The following PAFAH2 variants were observed in gnomAD, a reference collection of about 807,000 sequenced individuals.
The protein encoded by PAFAH2 is platelet-activating factor acetylhydrolase 2, cytoplasmic.
A neutral mutation model predicts 49.0 loss-of-function variants in PAFAH2; 42 were observed. That is an observed-to-expected ratio of 0.86 (90% CI 0.67 to 1.11). The LOEUF (loss-of-function observed/expected upper bound fraction) is 1.11. Among genes scored for constraint, PAFAH2 ranks in the 50% least tolerant of loss-of-function variants. PAFAH2 has a pLI of 0.00. For missense variants in PAFAH2, 503 were observed against 501.8 expected (o/e 1.00, Z -0.02); for synonymous variants, 184 against 181.3 (o/e 1.01, Z -0.12).
intron 1 of PAFAH2, among the ~76,000 whole-genome samples, chr1:25,995,931 T>C (rs2049930522): frequency 6.6e-6 from 1 of 152,218 alleles, no homozygotes; most frequent in Non-Finnish European, 1.5e-5. Context: ...GATCTAAAAA[T>C]AAGGCTATAT....
chr1:25,988,212 G>T lies in PAFAH2; in HGVS notation c.341+19C>A. 1 of 1,528,784 alleles carries T rather than the reference G, an allele frequency of 6.5e-7. No individual in the cohort carries two copies. The highest frequency in any genetic ancestry group is 9.0e-7 in the Non-Finnish European group (1 of 1,116,322). 94.7% of individuals were successfully genotyped at this position (1,528,784 alleles called of 1,614,324 possible). The stretch of plus-strand genomic sequence containing the variant: ...CCAGGCAAGGAGTATGGCAAGGTCT[G>T]GGGGAAAGAAGCTCTTACCTGAAGG... On this transcript the variant is annotated intron_variant, in intron 4 of 10. Coordinates refer to ENST00000374282, the MANE Select transcript of PAFAH2 (RefSeq NM_000437.4).
intron 1 of PAFAH2, among the ~76,000 whole-genome samples, chr1:25,994,818 G>A (rs1393464635): frequency 6.6e-6 from 1 of 152,114 alleles, no homozygotes; most frequent in Non-Finnish European, 1.5e-5. Flanking sequence ...GAAGACAGCA[G>A]AACTCTCTGG....
At chr1:25,964,250 C>G (rs947088594) in intron 10 of PAFAH2, 2 of 152,292 alleles carry the variant, frequency 1.3e-5, no homozygotes, top group Non-Finnish European at 2.9e-5. Context: ...GAGATGAGCA[C>G]GGCGCTTGCA....
intron 4 of PAFAH2, among the ~76,000 whole-genome samples, chr1:25,986,547 G>A (rs2049784012): frequency 6.6e-6 from 1 of 151,630 alleles, no homozygotes; most frequent in African/African-American, 2.4e-5. Context: ...TTTTTTTTCT[G>A]AGATGCAGTT....
intron 5 of PAFAH2, 106 bp from the exon 6 acceptor site, chr1:25,984,193 G>T: frequency 7.6e-7 from 1 of 1,318,512 alleles, no homozygotes; most frequent in Non-Finnish European, 1.1e-6. Context: ...ATCACCCTTT[G>T]GCTAGTAGGG....
chr1:25,977,061 C>T (rs2049603020), intron 7 of PAFAH2, among the ~76,000 whole-genome samples: 1 of 132,766 alleles, frequency 7.5e-6, no homozygotes, highest in Non-Finnish European at 1.5e-5. Flanking sequence ...CTCGCTCTGT[C>T]GCCCAGGCTG....
chr1:25,974,265 A>G (rs1352505389), intron 9 of PAFAH2, among the ~76,000 whole-genome samples: 2 of 152,346 alleles, frequency 1.3e-5, no homozygotes, highest in African/African-American at 2.4e-5. Context: ...CCTGTCATAA[A>G]GTCAGATAAA....
intron 1 of PAFAH2, among the ~76,000 whole-genome samples, chr1:25,995,084 T>C (rs899698301): frequency 6.6e-6 from 1 of 152,228 alleles, no homozygotes; most frequent in Non-Finnish European, 1.5e-5. Flanking sequence ...AATCAGTCTA[T>C]GTGTCTCTAC....
intron 10 of PAFAH2, among the ~76,000 whole-genome samples, chr1:25,963,439 T>G (rs951887512): frequency 1.3e-5 from 2 of 152,192 alleles, no homozygotes; most frequent in African/African-American, 4.8e-5. Context: ...TAGAGCCCGT[T>G]AAGGGAAGCA....
chr1:25,984,548 C>G lies in PAFAH2; in HGVS notation c.342-20G>C, dbSNP rs1242296619. ...AAAGTCCTGGAGATTCAAAAAGGAA[C>G]AAGGAAAAGGGATCAAAAGAACAGC... is the stretch of plus-strand genomic sequence containing the variant. On this transcript the variant is annotated intron_variant, in intron 4 of 10. Transcript: ENST00000374282. The G allele has an allele frequency of 2.5e-6, 4 of 1,603,414 alleles. No individual in the cohort carries two copies. The highest frequency in any genetic ancestry group is 1.7e-5 in the Admixed American group (1 of 59,928).
chr1:25,970,850 A>T (rs2049495546), intron 10 of PAFAH2, among the ~76,000 whole-genome samples: 1 of 151,360 alleles, frequency 6.6e-6, no homozygotes, highest in Non-Finnish European at 1.5e-5. Context: ...AGCCTCCCAA[A>T]GTAGCTGGGA....
Position 25,962,082 on chromosome 1 carries a change from G to A in PAFAH2, c.1086C>T (p.Asp362=). ...AMLAFLQKHL[D]LKEDYNQWNN... is the part of the protein sequence containing the mutation. ...TCCATTGATTATAGTCTTCTTTCAG[G>A]TCTGAAAAGGAAAAAAACAGGAACA... The change falls in exon 11 of 11, where the codon GAC becomes GAT. Residue 362 remains aspartate, a splice_region_variant and synonymous_variant. Coordinates refer to ENST00000374282, the MANE Select transcript of PAFAH2 (RefSeq NM_000437.4). The A allele has an allele frequency of 6.2e-7, 1 of 1,611,172 alleles. No individual in the cohort carries two copies. Among genetic ancestry groups the A allele is most frequent in the Non-Finnish European group, 8.5e-7 (1 of 1,177,966 alleles).
chr1:25,976,745 A>G lies in PAFAH2; in HGVS notation c.695T>C (p.Val232Ala). Residue 232 changes from valine to alanine, a missense_variant, in exon 8 of 11, where the codon GTG (valine) becomes GCG (alanine). Coordinates refer to ENST00000374282, the MANE Select transcript of PAFAH2 (RefSeq NM_000437.4). ...GGCCCCTCCAAATGAATGTCCCATC[A>G]CAGCCACACGGCTCATGTCAATGTT... is the stretch of plus-strand genomic sequence containing the variant. ...KGNIDMSRVA[V>A]MGHSFGGATA... 6.2e-7 allele frequency: 1 copy of G among 1,614,224 alleles called. No homozygotes were observed. Among genetic ancestry groups the G allele is most frequent in the Non-Finnish European group, 8.5e-7 (1 of 1,180,038 alleles).
intron 7 of PAFAH2, among the ~76,000 whole-genome samples, chr1:25,978,046 A>G (rs1242782925): frequency 6.6e-6 from 1 of 152,128 alleles, no homozygotes; most frequent in African/African-American, 2.4e-5. Context: ...CTGCTTGCTA[A>G]GGGGCTCTGG....
intron 4 of PAFAH2, among the ~76,000 whole-genome samples, chr1:25,984,923 C>T (rs1354418058): frequency 1.4e-5 from 2 of 147,020 alleles, no homozygotes; most frequent in Non-Finnish European, 3.0e-5. Context: ...ATCTTGGCCT[C>T]GGCTCACTGC....
intron 1 of PAFAH2, among the ~76,000 whole-genome samples, chr1:25,992,895 G>A (rs188086870): frequency 3.2e-4 from 48 of 152,324 alleles, no homozygotes; most frequent in Non-Finnish European, 3.2e-4. Flanking sequence ...GTAAAACCCG[G>A]GACTTTGGTA....
chr1:25,978,155 C>CA (rs1557520630), intron 7 of PAFAH2, among the ~76,000 whole-genome samples: 1 of 152,132 alleles, frequency 6.6e-6, no homozygotes, highest in East Asian at 1.9e-4. Flanking sequence ...CCTCCCCCTT[C>CA]ACTCAGTACC....
chr1:25,978,200 A>G (rs1889605), intron 7 of PAFAH2, among the ~76,000 whole-genome samples: 81,621 of 151,462 alleles, frequency 0.54, 24,944 homozygotes, highest in East Asian at 0.7. Context: ...GGCCTCTTCA[A>G]CATTAAAAAA....
At chr1:25,964,724 C>T (rs1178587494) in intron 10 of PAFAH2, among the ~76,000 whole-genome samples, 2 of 152,074 alleles carry the variant, frequency 1.3e-5, no homozygotes, top group Non-Finnish European at 2.9e-5. Context: ...TGAAAGATCT[C>T]TACAAAGAGA....
Sources: allele counts gnomAD v4.1 joint callset (sites outside exome capture counted in the v4.1 genomes callset), GRCh38; gene constraint gnomAD v4.1.1; transcripts MANE v1.5; gene names NCBI Gene and HGNC (gene_info 2026-07-23, HGNC 2026-07-21).